The following ABHD2 variants were observed in gnomAD, a reference collection of about 807,000 sequenced individuals.
The protein encoded by ABHD2 is monoacylglycerol lipase ABHD2.
A neutral mutation model predicts 48.1 loss-of-function variants in ABHD2; 20 were observed. That is an observed-to-expected ratio of 0.42 (90% confidence interval 0.29 to 0.60). The LOEUF is 0.60. Among genes scored for constraint, ABHD2 ranks in the 20% least tolerant of loss-of-function variants. The probability of loss-of-function intolerance (pLI) is 0.24; values close to 1 mark genes in which losing one functional copy is unlikely to be tolerated. For synonymous variants in ABHD2, 209 were observed against 214.2 expected (o/e 0.98, Z 0.21); for missense variants, 405 against 550.9 (o/e 0.74, Z 2.65).
chr15:89,192,552 C>A (rs1367103241), intron 9 of ABHD2, among the ~76,000 whole-genome samples: 1 of 151,264 alleles, frequency 6.6e-6, no homozygotes, highest in Admixed American at 6.6e-5. Context: ...CTCTGTTTCC[C>A]AGGCTAGAGT....
intron 3 of ABHD2, among the ~76,000 whole-genome samples, chr15:89,147,875 G>A (rs959236614): frequency 1.3e-5 from 2 of 151,220 alleles, no homozygotes; most frequent in East Asian, 1.9e-4. Flanking sequence ...TTGGGAGGCC[G>A]AGAGGCTGAA....
chr15:89,107,931 A>T (rs1475460803), intron 1 of ABHD2, among the ~76,000 whole-genome samples: 1 of 152,206 alleles, frequency 6.6e-6, no homozygotes, highest in Non-Finnish European at 1.5e-5. Flanking sequence ...GCTAAGAGGA[A>T]AGGAAAGGAT....
chr15:89,175,421 CT>C lies in ABHD2; in HGVS notation c.539-390del, dbSNP rs1226187008. ...GTCTCACCATTTTGTCCAGGCTGGC[CT>C]AGCTTTTATTTAGGTCTGTGTGTGA... On this transcript the variant is annotated intron_variant, in intron 5 of 10. Transcript: ENST00000352732. This position sits in a 1 kb window ranked among gnomAD's most constrained non-coding sequence, Gnocchi z 5.7. Among the ~76,000 whole-genome samples, 1 of 152,144 alleles carries C rather than the reference CT, an allele frequency of 6.6e-6. No homozygotes were observed. The highest frequency in any genetic ancestry group is 1.5e-5 in the Non-Finnish European group (1 of 68,040).
chr15:89,080,694 CT>C, the ABHD2 span, among the ~76,000 whole-genome samples: 85,321 of 141,356 alleles, frequency 0.6, 25,509 homozygotes, highest in South Asian at 0.71. Context: ...GAAAAGGAGA[CT>C]TTTTTTTTTT....
intron 1 of ABHD2, among the ~76,000 whole-genome samples, chr15:89,098,716 A>G (rs1824527436): frequency 1.3e-5 from 2 of 152,240 alleles, no homozygotes; most frequent in Middle Eastern, 3.4e-3. Flanking sequence ...AGCCAAGGAT[A>G]TTTTTCCCAA....
In ABHD2 at chr15:89,188,208, A is replaced by G; in HGVS notation, c.831A>G (p.Gly277=). ...TTTGCTCTAGGCAAGCTCTTTTTGG[A>G]GACCATGTTAAGAAACCCCAGAGCC... is the stretch of plus-strand genomic sequence containing the variant. The part of the protein sequence containing the change: ...IILSHRQALF[G]DHVKKPQSLE... Residue 277 remains glycine (G), a synonymous_variant, in exon 8 of 11, where the codon GGA becomes GGG. Transcript: ENST00000352732. The surrounding 1 kb of genome is among the most constrained non-coding windows in gnomAD (Gnocchi z 4.1). 1.2e-6 allele frequency: 2 copies of G among 1,614,108 alleles called. No individual in the cohort carries two copies. The highest frequency in any genetic ancestry group is 1.1e-5 in the South Asian group (1 of 91,078).
intron 1 of ABHD2, among the ~76,000 whole-genome samples, chr15:89,099,646 G>A (rs2049669527): frequency 6.6e-6 from 1 of 150,954 alleles, no homozygotes; most frequent in Non-Finnish European, 1.5e-5. Context: ...AAGGCGGGGT[G>A]CAGTAGCTCA....
At chr15:89,058,552 CA>C in the ABHD2 span, among the ~76,000 whole-genome samples, 1 of 152,106 alleles carries the variant, frequency 6.6e-6, no homozygotes, top group Non-Finnish European at 1.5e-5. Flanking sequence ...AGGAGGTGCA[CA>C]GCAGGAGCTT....
Position 89,120,354 on chromosome 15 carries a change from C to T in ABHD2, c.194+3833C>T, listed in dbSNP as rs577989996. Among the ~76,000 whole-genome samples the T allele has an allele frequency of 7.7e-4, 117 of 151,968 alleles. No individual in the cohort carries two copies. Among genetic ancestry groups the T allele is most frequent in the African/African-American group, 2.8e-3 (114 of 41,418 alleles). On this transcript the variant is annotated intron_variant, in intron 3 of 10. Coordinates refer to ENST00000352732, the MANE Select transcript of ABHD2 (RefSeq NM_152924.5). The surrounding 1 kb of genome is among the most constrained non-coding windows in gnomAD (Gnocchi z 4.2). ...TAGTGAAACAAGCAGACGCCCAGTT[C>T]GGAATTATGACAAAAATCTAGATAG...
Position 89,186,237 on chromosome 15 carries a change from C to T in ABHD2, c.815+721C>T, listed in dbSNP as rs1360702893. On this transcript the variant is annotated intron_variant, in intron 7 of 10. Transcript: ENST00000352732. This position sits in a 1 kb window ranked among gnomAD's most constrained non-coding sequence, Gnocchi z 4.3. ...CTCAGGGCATGGTTTCGGCGCCTCC[C>T]TGCTCGGAGTTTGAGCCTCTCCTTA... is the stretch of plus-strand genomic sequence containing the variant. 6.6e-6 allele frequency among the ~76,000 whole-genome samples: 1 copy of T among 152,196 alleles called. No individual in the cohort carries two copies. The highest frequency in any genetic ancestry group is 1.9e-4 in the East Asian group (1 of 5,186).
At chr15:89,069,674 C>CTTTTTTTTTCTTTTTTTTT in the ABHD2 span, among the ~76,000 whole-genome samples, 1 of 52,898 alleles carries the variant, frequency 1.9e-5, no homozygotes, top group South Asian at 1.0e-3. Context: ...TTCATTTACT[C>CTTTTTTTTTCTTTTTTTTT]TTTTTTTTTT....
the ABHD2 span, among the ~76,000 whole-genome samples, chr15:89,058,804 C>T: frequency 3.9e-5 from 6 of 152,194 alleles, no homozygotes; most frequent in East Asian, 1.2e-3. Context: ...CTCTTTCAGC[C>T]CTCAACAATA....
At chr15:89,134,878 A>G (rs1428194578) in intron 3 of ABHD2, among the ~76,000 whole-genome samples, 1 of 152,194 alleles carries the variant, frequency 6.6e-6, no homozygotes. Flanking sequence ...GTAATGATCT[A>G]TATAATTACT....
In ABHD2 at chr15:89,116,365, T is replaced by C; in HGVS notation, c.38T>C (p.Val13Ala). Residue 13 changes from valine to alanine, a missense_variant, in exon 3 of 11, where the codon GTG (valine) becomes GCG (alanine). Val to Ala is a moderately conservative substitution (Grantham distance 64). Coordinates refer to ENST00000352732, the MANE Select transcript of ABHD2 (RefSeq NM_152924.5). The surrounding 1 kb of genome is among the most constrained non-coding windows in gnomAD (Gnocchi z 4.6). ...CTGGAGACTCCCGAACTCCCAGCCG[T>C]GTTTGATGGAGTGAAGCTGGCTGCA... ...AMLETPELPAVFDGVKLAAVA... is the reference protein window; with the variant it reads ...AMLETPELPAAFDGVKLAAVA... 6.2e-7 allele frequency: 1 copy of C among 1,614,150 alleles called. No individual in the cohort carries two copies. Among genetic ancestry groups the C allele is most frequent in the South Asian group, 1.1e-5 (1 of 91,086 alleles).
chr15:89,106,093 C>T lies in ABHD2; in HGVS notation c.-106-7632C>T, dbSNP rs2049780320. 6.6e-6 allele frequency among the ~76,000 whole-genome samples: 1 copy of T among 152,130 alleles called. No individual in the cohort carries two copies. The highest frequency in any genetic ancestry group is 2.1e-4 in the South Asian group (1 of 4,824). On this transcript the variant is annotated intron_variant, in intron 1 of 10. Coordinates refer to ENST00000352732, the MANE Select transcript of ABHD2 (RefSeq NM_152924.5). This position sits in a 1 kb window ranked among gnomAD's most constrained non-coding sequence, Gnocchi z 4.2. ...CTTTGGGAGGCCGAGGCAGGTGGAT[C>T]ACCTGAGGTCAGGAGTTCGAGACCA... is the stretch of plus-strand genomic sequence containing the variant.
chr15:89,188,275 C>A lies in ABHD2; in HGVS notation c.898C>A (p.Leu300Met), dbSNP rs753775299. The A allele has an allele frequency of 1.9e-6, 3 of 1,614,226 alleles. No homozygotes were observed. The highest frequency in any genetic ancestry group is 2.5e-6 in the Non-Finnish European group (3 of 1,180,038). Residue 300 changes from leucine (L) to methionine (M), a missense_variant, in exon 8 of 11, where the codon CTG becomes ATG. Transcript: ENST00000352732. This position sits in a 1 kb window ranked among gnomAD's most constrained non-coding sequence, Gnocchi z 4.1. ...GAGCCGGCTCTACACAGCAACATCC[C>A]TGATGCAGATTGATGACAATGTGAT... is the stretch of plus-strand genomic sequence containing the variant. ...DLSRLYTATS[L>M]MQIDDNVMRK...
In ABHD2 at chr15:89,088,550, T is replaced by G. The variant is rs1191409963; in HGVS notation, c.-120T>G. On this transcript the variant is annotated 5_prime_UTR_variant, in exon 1 of 11. Coordinates refer to ENST00000352732, the MANE Select transcript of ABHD2 (RefSeq NM_152924.5). This position sits in a 1 kb window ranked among gnomAD's most constrained non-coding sequence, Gnocchi z 6.8. ...CTGGGGGCGAGCTGAGCACCTGTAG[T>G]CAATCACACGCAGGTAAAGCCACGG... is the stretch of plus-strand genomic sequence containing the variant. The G allele has an allele frequency of 2.0e-5, 3 of 152,360 alleles. No individual in the cohort carries two copies. The highest frequency in any genetic ancestry group is 6.5e-5 in the Admixed American group (1 of 15,286). The allele number at this position is 152,360 out of a possible 1,614,324, so 9.4% of individuals were successfully genotyped here.
At chr15:89,056,908 C>CG in the ABHD2 span, among the ~76,000 whole-genome samples, 4,344 of 87,490 alleles carry the variant, frequency 0.05, 122 homozygotes, top group Non-Finnish European at 0.068. Flanking sequence ...TAAGTGATAC[C>CG]TTTTTTTTTT....
intron 3 of ABHD2, among the ~76,000 whole-genome samples, chr15:89,118,654 A>G (rs1444173084): frequency 6.6e-6 from 1 of 152,064 alleles, no homozygotes; most frequent in East Asian, 1.9e-4. Flanking sequence ...ATGAGTGCAA[A>G]TTTCCACCCA....
Sources: allele counts gnomAD v4.1 joint callset (sites outside exome capture counted in the v4.1 genomes callset), GRCh38; gene constraint gnomAD v4.1.1; non-coding constraint Gnocchi (gnomAD v3.1); transcripts MANE v1.5; gene names NCBI Gene and HGNC (gene_info 2026-07-23, HGNC 2026-07-21).